The following CYBRD1 variants were observed in gnomAD, a reference collection of about 807,000 sequenced individuals.
CYBRD1 encodes cytochrome b reductase 1, also known as plasma membrane ascorbate-dependent reductase CYBRD1.
Under a neutral mutation model 21.9 loss-of-function variants are expected in CYBRD1, and 14 were observed. The observed-to-expected ratio is 0.64, with a 90% CI of 0.42 to 1.00. The LOEUF (loss-of-function observed/expected upper bound fraction) is 1.00. CYBRD1 is among the 50% of genes least tolerant of loss of function. The pLI, the probability that CYBRD1 is intolerant of heterozygous loss-of-function variation, is 0.00. For synonymous variants in CYBRD1, 146 were observed against 136.5 expected, an observed-to-expected ratio of 1.07 and a Z score of -0.48; for missense variants, 328 against 352.5, an observed-to-expected ratio of 0.93 and a Z score of 0.56.
intron 2 of CYBRD1, among the ~76,000 whole-genome samples, chr2:171,552,932 CAAGT>C (rs1172109868): frequency 2.0e-5 from 3 of 152,056 alleles, no homozygotes; most frequent in African/African-American, 7.2e-5. Context: ...TAAAAACAAA[CAAGT>C]AAGTACCAGA....
intron 1 of CYBRD1, among the ~76,000 whole-genome samples, chr2:171,533,770 CT>C (rs10707105): frequency 0.51 from 67,026 of 130,372 alleles, 16,047 homozygotes; most frequent in East Asian, 0.79. Flanking sequence ...TTCTTTCTTT[CT>C]TTTTTTTTTT....
At chr2:171,534,095 C>T (rs1366492993) in intron 1 of CYBRD1, among the ~76,000 whole-genome samples, 1 of 152,076 alleles carries the variant, frequency 6.6e-6, no homozygotes, top group Non-Finnish European at 1.5e-5. Flanking sequence ...TTCACTTCTT[C>T]CTCCCTCCCT....
intron 2 of CYBRD1, among the ~76,000 whole-genome samples, chr2:171,549,366 G>T (rs1697766771): frequency 6.6e-6 from 1 of 152,170 alleles, no homozygotes; most frequent in Non-Finnish European, 1.5e-5. Context: ...TGGCAGACAT[G>T]AGCCACTGTG....
intron 2 of CYBRD1, among the ~76,000 whole-genome samples, chr2:171,548,892 G>T (rs1697760625): frequency 6.6e-6 from 1 of 152,002 alleles, no homozygotes; most frequent in African/African-American, 2.4e-5. Flanking sequence ...ATCAGTTGAG[G>T]CCAGGAGTTG....
chr2:171,554,201 G>C (rs1683440917), intron 3 of CYBRD1, among the ~76,000 whole-genome samples: 1 of 152,186 alleles, frequency 6.6e-6, no homozygotes, highest in Admixed American at 6.5e-5. Flanking sequence ...TTGCTACTTA[G>C]ATGTGGAAAG....
At chr2:171,538,337 G>T (rs1035472429) in intron 1 of CYBRD1, among the ~76,000 whole-genome samples, 1 of 152,150 alleles carries the variant, frequency 6.6e-6, no homozygotes, top group Non-Finnish European at 1.5e-5. Flanking sequence ...GCTGCCTTAG[G>T]CTCTGGGGAT....
At chr2:171,550,836 A>T (rs1207287877) in intron 2 of CYBRD1, 3 of 152,124 alleles carry the variant, frequency 2.0e-5, no homozygotes, top group African/African-American at 7.3e-5. Context: ...GAATCTTAGG[A>T]ATGAAAATAG....
intron 1 of CYBRD1, among the ~76,000 whole-genome samples, chr2:171,536,428 C>T (rs1266985744): frequency 6.6e-6 from 1 of 152,182 alleles, no homozygotes; most frequent in African/African-American, 2.4e-5. Flanking sequence ...CCTCAAGCCT[C>T]CCAAGCAGCT....
chr2:171,551,982 T>C (rs551289224), intron 2 of CYBRD1, among the ~76,000 whole-genome samples: 1 of 152,316 alleles, frequency 6.6e-6, no homozygotes, highest in Non-Finnish European at 1.5e-5. Flanking sequence ...GCTGAGACTT[T>C]CAGAAAAATG....
chr2:171,522,568 G>C lies in CYBRD1; in HGVS notation c.23G>C (p.Arg8Pro). ...CTGATGGCCATGGAGGGCTACTGGC[G>C]CTTCCTGGCGCTGCTGGGGTCGGCA... MAMEGYWRFLALLGSALL... is the reference protein window; with the variant it reads MAMEGYWPFLALLGSALL... The change falls in exon 1 of 4, where the codon CGC becomes CCC. Residue 8 changes from arginine (R) to proline (P), a missense_variant. Coordinates refer to ENST00000321348, the MANE Select transcript of CYBRD1 (RefSeq NM_024843.4). The surrounding 1 kb of genome is among the most constrained non-coding windows in gnomAD (Gnocchi z 4.3). 1 of 1,607,988 alleles carries C rather than the reference G, an allele frequency of 6.2e-7. No individual in the cohort carries two copies. The highest frequency in any genetic ancestry group is 2.2e-5 in the East Asian group (1 of 44,706).
At chr2:171,533,892 G>A (rs1419633419) in intron 1 of CYBRD1, among the ~76,000 whole-genome samples, 1 of 150,594 alleles carries the variant, frequency 6.6e-6, no homozygotes, top group East Asian at 1.9e-4. Flanking sequence ...TTTTTATAGA[G>A]ACAGGGTTTC....
At chr2:171,552,854 T>A (rs1288846683) in intron 2 of CYBRD1, among the ~76,000 whole-genome samples, 1 of 151,808 alleles carries the variant, frequency 6.6e-6, no homozygotes, top group Admixed American at 6.6e-5. Context: ...TGTGTCCTAA[T>A]GTACTCGGTT....
At chr2:171,538,569 A>C (rs1264761271) in intron 1 of CYBRD1, among the ~76,000 whole-genome samples, 1 of 152,218 alleles carries the variant, frequency 6.6e-6, no homozygotes, top group Non-Finnish European at 1.5e-5. Flanking sequence ...CACTAAATTT[A>C]GTAAGTAGCA....
At chr2:171,526,244 G>A (rs1020635000) in intron 1 of CYBRD1, among the ~76,000 whole-genome samples, 2 of 152,004 alleles carry the variant, frequency 1.3e-5, no homozygotes, top group African/African-American at 2.4e-5. Flanking sequence ...TGTAGCCTGG[G>A]CAACAGAGTG....
chr2:171,554,639 A>T lies in CYBRD1; in HGVS notation c.673A>T (p.Lys225Ter), dbSNP rs763862138. The T allele has an allele frequency of 1.9e-6, 3 of 1,614,038 alleles. No homozygotes were observed. Among genetic ancestry groups the T allele is most frequent in the Non-Finnish European group, 2.5e-6 (3 of 1,179,962 alleles). The change falls in exon 4 of 4, where the codon AAA becomes TAA. Residue 225 changes from lysine (K) to a stop codon, truncating the protein, a stop_gained. Transcript: ENST00000321348. LOFTEE classifies it low-confidence loss of function (END_TRUNC). ...IFWIVTRPQWKRPKEPNSTIL... is the reference protein window; with the variant it reads ...IFWIVTRPQW ...TTGGATAGTCACCAGACCGCAATGG[A>T]AACGTCCTAAGGAGCCAAATTCTAC...
intron 1 of CYBRD1, among the ~76,000 whole-genome samples, chr2:171,531,699 G>A (rs1196241582): frequency 6.6e-6 from 1 of 152,078 alleles, no homozygotes; most frequent in Non-Finnish European, 1.5e-5. Flanking sequence ...GGGACCTTAA[G>A]TTCTACCCTT....
chr2:171,526,475 A>G (rs1284175321), intron 1 of CYBRD1, among the ~76,000 whole-genome samples: 2 of 149,426 alleles, frequency 1.3e-5, no homozygotes, highest in African/African-American at 5.0e-5. Flanking sequence ...TACTCCAAGT[A>G]TATTTTGGAA....
chr2:171,522,419 C>G, upstream of CYBRD1: 1 of 1,509,972 alleles, frequency 6.6e-7, no homozygotes, highest in South Asian at 1.3e-5. This position sits in a 1 kb window ranked among gnomAD's most constrained non-coding sequence, Gnocchi z 4.3. Flanking sequence ...CCAGAAAGTC[C>G]CTCCCCGCAG....
chr2:171,553,571 T>A (rs929361575), intron 3 of CYBRD1, 71 bp downstream of exon 3: 1 of 1,371,868 alleles, frequency 7.3e-7, no homozygotes, highest in Non-Finnish European at 9.6e-7. Context: ...ACTGGGAAAA[T>A]GTAATAAAAA....
Sources: gnomAD v4.1 joint callset for allele counts (sites outside exome capture counted in the v4.1 genomes callset) on GRCh38, gnomAD v4.1.1 for gene constraint, Gnocchi (gnomAD v3.1) non-coding constraint, MANE v1.5 for transcripts, NCBI Gene and HGNC (gene_info 2026-07-23, HGNC 2026-07-21) for gene names.